The following SH3PXD2B variants were observed in gnomAD, a reference collection of about 807,000 sequenced individuals.
SH3PXD2B encodes SH3 and PX domains 2B.
SH3PXD2B carries 37 observed loss-of-function variants against 73.1 expected under a neutral mutation model. The ratio of observed to expected loss-of-function variants is 0.51; its 90% CI spans 0.39 to 0.67. The LOEUF is 0.67. SH3PXD2B is among the 30% of genes least tolerant of loss of function. SH3PXD2B has a pLI of 0.00. For synonymous variants in SH3PXD2B, 457 were observed against 480.5 expected (o/e 0.95, Z 0.64); for missense variants, 1,053 against 1,197.8 (o/e 0.88, Z 1.78).
At chr5:172,441,920 C>CCT (rs1434507892) in intron 1 of SH3PXD2B, among the ~76,000 whole-genome samples, 5 of 152,140 alleles carry the variant, frequency 3.3e-5, no homozygotes, top group Non-Finnish European at 5.9e-5. Flanking sequence ...CTCCTGGACC[C>CCT]CTCCCTTGTT....
chr5:172,411,056 G>A (rs924885848), intron 2 of SH3PXD2B, among the ~76,000 whole-genome samples: 1 of 152,218 alleles, frequency 6.6e-6, no homozygotes, highest in African/African-American at 2.4e-5. Flanking sequence ...CTGTGCACAT[G>A]TGAACAGCAT....
intron 4 of SH3PXD2B, among the ~76,000 whole-genome samples, chr5:172,389,676 A>T (rs1174502108): frequency 6.6e-6 from 1 of 151,980 alleles, no homozygotes; most frequent in Non-Finnish European, 1.5e-5. Context: ...CAGTGAACCA[A>T]GGTCACCCTA....
At chr5:172,401,960 A>G (rs1383327559) in intron 3 of SH3PXD2B, among the ~76,000 whole-genome samples, 1 of 152,240 alleles carries the variant, frequency 6.6e-6, no homozygotes, top group Non-Finnish European at 1.5e-5. Context: ...GGGCACCTTG[A>G]AAAAAGAACA....
intron 4 of SH3PXD2B, among the ~76,000 whole-genome samples, chr5:172,388,157 T>C (rs780521217): frequency 8.5e-5 from 13 of 152,232 alleles, no homozygotes; most frequent in Admixed American, 1.3e-4. Flanking sequence ...CTATGTTAAC[T>C]ACTGTAACTT....
intron 1 of SH3PXD2B, 112 bp downstream of exon 1, chr5:172,454,166 G>A (rs1581352808): frequency 3.9e-6 from 3 of 765,864 alleles, no homozygotes; most frequent in Middle Eastern, 2.9e-4. Context: ...GGGGAGAGCA[G>A]GGGAGGAGGG....
At position 172,335,746 on chromosome 5, in the gene SH3PXD2B, G is replaced by T; in HGVS notation, c.*2623C>A. ...GGGTAAATCTAAGTCCCCAGGCAAGGACAGCTAGGAGAGTGACTGGCCACC... is the reference window on the plus strand; with the variant it reads ...GGGTAAATCTAAGTCCCCAGGCAAGTACAGCTAGGAGAGTGACTGGCCACC... On this transcript the variant is annotated 3_prime_UTR_variant, in exon 13 of 13. Coordinates refer to ENST00000311601, the MANE Select transcript of SH3PXD2B (RefSeq NM_001017995.3). The T allele has an allele frequency of 8.1e-7, 1 of 1,231,114 alleles. No homozygotes were observed. Among genetic ancestry groups the T allele is most frequent in the Non-Finnish European group, 1.0e-6 (1 of 987,790 alleles). The allele number at this position is 1,231,114 out of a possible 1,614,324, so 76.3% of individuals were successfully genotyped here.
intron 6 of SH3PXD2B, among the ~76,000 whole-genome samples, chr5:172,368,574 T>A (rs1398981486): frequency 1.2e-4 from 2 of 16,130 alleles, no homozygotes; most frequent in African/African-American, 4.8e-4. Flanking sequence ...ATAAAATATG[T>A]TATATATATA....
intron 1 of SH3PXD2B, among the ~76,000 whole-genome samples, chr5:172,435,697 T>A (rs1379866936): frequency 2.0e-5 from 3 of 152,160 alleles, no homozygotes; most frequent in Non-Finnish European, 4.4e-5. Flanking sequence ...GTGCTGGAAT[T>A]ATAGGTGCGA....
rs550641172 is a variant in SH3PXD2B at position 172,427,677 on chromosome 5, G to A, written c.76-5181C>T. 2.0e-5 allele frequency among the ~76,000 whole-genome samples: 3 copies of A among 152,110 alleles called. No individual in the cohort carries two copies. In the East Asian group the frequency reaches 5.8e-4, roughly 29 times the overall value. ...GGAGTTGTTGTTTAATGGGTGCAGA[G>A]TTTCAGTCTAGGGAGATGAAAAAAG... is the stretch of plus-strand genomic sequence containing the variant. On this transcript the variant is annotated intron_variant, in intron 1 of 12. Transcript: ENST00000311601.
intron 5 of SH3PXD2B, among the ~76,000 whole-genome samples, chr5:172,380,256 T>G (rs1757913832): frequency 6.6e-6 from 1 of 152,138 alleles, no homozygotes; most frequent in African/African-American, 2.4e-5. Flanking sequence ...AGACAGGATC[T>G]GACTATGTTG....
At chr5:172,402,033 G>C (rs754633554) in intron 3 of SH3PXD2B, among the ~76,000 whole-genome samples, 36 of 152,364 alleles carry the variant, frequency 2.4e-4, no homozygotes, top group Non-Finnish European at 3.4e-4. Flanking sequence ...CTGAGAGCTG[G>C]GCGGAACAGA....
intron 3 of SH3PXD2B, among the ~76,000 whole-genome samples, chr5:172,403,760 A>G (rs1283538930): frequency 6.6e-6 from 1 of 152,200 alleles, no homozygotes; most frequent in Admixed American, 6.5e-5. Context: ...AGTCCAGTTT[A>G]CCTTGAATAT....
rs888469895 is a variant in SH3PXD2B, at chr5:172,334,411, C to T, written c.*3958G>A. On this transcript the variant is annotated 3_prime_UTR_variant, in exon 13 of 13. Coordinates refer to ENST00000311601, the MANE Select transcript of SH3PXD2B (RefSeq NM_001017995.3). Reference sequence around the variant, plus strand: ...GGCCTCGATGCATGCTGCTCTACCTCTCATCAGCCCACAGTCTGACACGAG... The same window carrying T: ...GGCCTCGATGCATGCTGCTCTACCTTTCATCAGCCCACAGTCTGACACGAG... 1.0e-6 allele frequency: 1 copy of T among 988,662 alleles called. No individual in the cohort carries two copies. The highest frequency in any genetic ancestry group is 1.7e-5 in the African/African-American group (1 of 57,248). The allele number at this position is 988,662 out of a possible 1,614,324, so 61.2% of individuals were successfully genotyped here. A position where few individuals can be genotyped will look rare whatever the true frequency, so the allele number is the denominator to read the frequency against.
intron 1 of SH3PXD2B, among the ~76,000 whole-genome samples, chr5:172,444,967 C>T (rs2113513472): frequency 6.6e-6 from 1 of 152,284 alleles, no homozygotes; most frequent in Non-Finnish European, 1.5e-5. Context: ...ACCCACAGAG[C>T]TTCATCTCCA....
At chr5:172,368,495 A>T (rs868192838) in intron 6 of SH3PXD2B, among the ~76,000 whole-genome samples, 3 of 6,824 alleles carry the variant, frequency 4.4e-4, no homozygotes, top group Admixed American at 3.0e-3. Flanking sequence ...ATATATATAT[A>T]TTATATATAT....
intron 1 of SH3PXD2B, among the ~76,000 whole-genome samples, chr5:172,435,458 C>T (rs1437370694): frequency 6.6e-6 from 1 of 152,172 alleles, no homozygotes; most frequent in Non-Finnish European, 1.5e-5. Flanking sequence ...CAGGGTCTTG[C>T]TCCCTCTGTC....
intron 12 of SH3PXD2B, among the ~76,000 whole-genome samples, chr5:172,340,316 G>A (rs1214767926): frequency 6.6e-6 from 1 of 152,194 alleles, no homozygotes; most frequent in East Asian, 1.9e-4. Context: ...CAAAGACAGT[G>A]CCTCAGAACG....
In SH3PXD2B at chr5:172,445,338, A is replaced by G. The variant is rs1759638795; in HGVS notation, c.75+8940T>C. Among the ~76,000 whole-genome samples the G allele has an allele frequency of 6.6e-6, 1 of 152,008 alleles. No individual in the cohort carries two copies. Among genetic ancestry groups the G allele is most frequent in the Non-Finnish European group, 1.5e-5 (1 of 67,984 alleles). On this transcript the variant is annotated intron_variant, in intron 1 of 12. Transcript: ENST00000311601. The surrounding 1 kb of genome is among the most constrained non-coding windows in gnomAD (Gnocchi z 5.2). ...ATCTTCCTGCCTCAGCCTCTCAAGT[A>G]GCTGGGATTGCAGGCGAGAATCATC...
rs1433928749 is a variant in SH3PXD2B, at chr5:172,336,783, G to C, written c.*1586C>G. 2.0e-6 allele frequency: 2 copies of C among 985,508 alleles called. No homozygotes were observed. The highest frequency in any genetic ancestry group is 2.4e-6 in the Non-Finnish European group (2 of 830,110). 61.0% of individuals were successfully genotyped at this position (985,508 alleles called of 1,614,324 possible). ...GCTCTGCTCTCTTACTCTGGGCTGG[G>C]AGCTAGAAATGCTGGGTCCTGATTT... On this transcript the variant is annotated 3_prime_UTR_variant, in exon 13 of 13. Coordinates refer to ENST00000311601, the MANE Select transcript of SH3PXD2B (RefSeq NM_001017995.3).
Sources: gnomAD v4.1 joint callset for allele counts (sites outside exome capture counted in the v4.1 genomes callset) on GRCh38, gnomAD v4.1.1 for gene constraint, Gnocchi (gnomAD v3.1) non-coding constraint, MANE v1.5 for transcripts, NCBI Gene and HGNC (gene_info 2026-07-23, HGNC 2026-07-21) for gene names.